Variants in RBFOX1 observed in about 807,000 individuals in gnomAD.
The protein encoded by RBFOX1 is RNA binding protein fox-1 homolog 1.
Under a neutral mutation model 57.7 loss-of-function variants are expected in RBFOX1, and 8 were observed. The observed-to-expected ratio is 0.14, with a 90% CI of 0.08 to 0.25. The LOEUF (loss-of-function observed/expected upper bound fraction) is 0.25. Ranked by LOEUF, RBFOX1 falls within the 10% of genes least tolerant of loss-of-function variation. The pLI is 1.00. For missense variants in RBFOX1, 611 were observed against 548.5 expected (o/e 1.11, Z -1.14); for synonymous variants, 326 against 222.4 (o/e 1.47, Z -4.15).
At chr16:7,514,358 G>T (rs908528001) in intron 4 of RBFOX1, among the ~76,000 whole-genome samples, 5 of 152,276 alleles carry the variant, frequency 3.3e-5, no homozygotes, top group African/African-American at 1.2e-4. Context: ...ACAGAGCCCA[G>T]AGGTCATTTT....
rs1443239238 is a variant in RBFOX1 at position 5,598,799 on chromosome 16, T to C, written c.259-103T>C. 4 of 852,486 alleles carry C rather than the reference T, an allele frequency of 4.7e-6. No homozygotes were observed. The East Asian group carries it at 1.1e-4, about 23-fold the overall frequency. The allele number at this position is 852,486 out of a possible 1,614,324, so 52.8% of individuals were successfully genotyped here. On this transcript the variant is annotated intron_variant, in intron 2 of 2. Coordinates refer to the RBFOX1 transcript ENST00000585867. ...CAGAGGGTACTGTGGCTAAACGTGG[T>C]GAGACATTCTGGGTTGTGCTAAACT...
chr16:7,143,714 T>G (rs887166202), intron 4 of RBFOX1, among the ~76,000 whole-genome samples: 8 of 152,236 alleles, frequency 5.3e-5, no homozygotes, highest in Non-Finnish European at 1.0e-4. Flanking sequence ...AAGTCCTTCA[T>G]TTGATCATAC....
At chr16:6,920,343 C>T (rs2074192478) in intron 3 of RBFOX1, among the ~76,000 whole-genome samples, 1 of 152,172 alleles carries the variant, frequency 6.6e-6, no homozygotes. Flanking sequence ...GAAGTTCACT[C>T]CTGATATTGT....
chr16:7,490,360 C>T (rs767794731), intron 4 of RBFOX1, among the ~76,000 whole-genome samples: 17 of 152,070 alleles, frequency 1.1e-4, no homozygotes, highest in Admixed American at 2.0e-4. Flanking sequence ...CTATCCCTGG[C>T]GAGATTAGGT....
chr16:5,939,392 T>A (rs2059236251), intron 4 of RBFOX1, among the ~76,000 whole-genome samples: 1 of 152,192 alleles, frequency 6.6e-6, no homozygotes, highest in African/African-American at 2.4e-5. Context: ...TGTCATGAGT[T>A]TGCAGTCATC....
chr16:6,400,631 C>G (rs1026250797), intron 2 of RBFOX1, among the ~76,000 whole-genome samples: 1 of 152,166 alleles, frequency 6.6e-6, no homozygotes, highest in Non-Finnish European at 1.5e-5. Flanking sequence ...TGCCTGTAAT[C>G]CCAGCACTGT....
chr16:6,316,045 C>A (rs981219793), intron 1 of RBFOX1, among the ~76,000 whole-genome samples: 1 of 152,138 alleles, frequency 6.6e-6, no homozygotes. Flanking sequence ...TTTGTTGAGT[C>A]TTGGCGTAAA....
chr16:6,892,665 C>G (rs1257484993), intron 3 of RBFOX1, among the ~76,000 whole-genome samples: 2 of 147,618 alleles, frequency 1.4e-5, no homozygotes, highest in African/African-American at 4.9e-5. Context: ...GCAGGGCTGT[C>G]TCGAAACAAA....
intron 4 of RBFOX1, among the ~76,000 whole-genome samples, chr16:5,996,294 A>G (rs1352638361): frequency 6.6e-6 from 1 of 152,190 alleles, no homozygotes; most frequent in Non-Finnish European, 1.5e-5. Flanking sequence ...TCATTTCACC[A>G]GACGATGTAG....
chr16:7,703,690 C>T (rs867110860), intron 14 of RBFOX1, among the ~76,000 whole-genome samples: 2 of 152,144 alleles, frequency 1.3e-5, no homozygotes, highest in South Asian at 2.1e-4. Flanking sequence ...GCTAACGTGT[C>T]TCAGTAGAGT....
intron 1 of RBFOX1, among the ~76,000 whole-genome samples, chr16:6,260,755 C>T (rs1036683916): frequency 1.3e-5 from 2 of 152,072 alleles, no homozygotes; most frequent in Non-Finnish European, 1.5e-5. Flanking sequence ...GTTGTGCACA[C>T]CTGTAATCTC....
intron 1 of RBFOX1, among the ~76,000 whole-genome samples, chr16:5,452,594 C>T (rs989347219): frequency 1.3e-5 from 2 of 152,076 alleles, no homozygotes; most frequent in African/African-American, 4.8e-5. Context: ...CTTACCTGTC[C>T]CTCATCCACA....
intron 3 of RBFOX1, among the ~76,000 whole-genome samples, chr16:6,930,573 C>T (rs913725851): frequency 6.6e-6 from 1 of 152,018 alleles, no homozygotes; most frequent in African/African-American, 2.4e-5. Context: ...CCATGCCTGG[C>T]TAATTTTGGT....
chr16:7,417,924 G>T (rs563464631), intron 4 of RBFOX1, among the ~76,000 whole-genome samples: 2 of 152,080 alleles, frequency 1.3e-5, no homozygotes, highest in Admixed American at 1.3e-4. Flanking sequence ...GAGACTTCTG[G>T]ATTAGGTACC....
intron 4 of RBFOX1, among the ~76,000 whole-genome samples, chr16:7,222,150 A>C (rs56165306): frequency 2.0e-5 from 3 of 151,520 alleles, no homozygotes; most frequent in African/African-American, 7.3e-5. Flanking sequence ...CGTTGTTTCA[A>C]AAGCCCAGCC....
chr16:6,143,650 C>G (rs746838346), intron 1 of RBFOX1, among the ~76,000 whole-genome samples: 1 of 152,072 alleles, frequency 6.6e-6, no homozygotes, highest in Non-Finnish European at 1.5e-5. Context: ...ATCATATGAA[C>G]AATTGTTAAG....
chr16:6,406,682 A>T (rs994745094), intron 2 of RBFOX1, among the ~76,000 whole-genome samples: 1 of 151,340 alleles, frequency 6.6e-6, no homozygotes, highest in South Asian at 2.1e-4. Flanking sequence ...CAATTTTTGG[A>T]TAAGTCTGAA....
At chr16:7,666,728 G>C (rs1199277228) in intron 13 of RBFOX1, among the ~76,000 whole-genome samples, 3 of 152,188 alleles carry the variant, frequency 2.0e-5, no homozygotes, top group Non-Finnish European at 4.4e-5. Flanking sequence ...AAAAAACAAA[G>C]TTAGAAGAAG....
chr16:6,224,865 A>G (rs2097404128), intron 1 of RBFOX1, among the ~76,000 whole-genome samples: 2 of 151,964 alleles, frequency 1.3e-5, no homozygotes, highest in Admixed American at 1.3e-4. Flanking sequence ...ATTTAATACA[A>G]AAAATTAGCT....
Sources: allele counts gnomAD v4.1 joint callset (sites outside exome capture counted in the v4.1 genomes callset), GRCh38; gene constraint gnomAD v4.1.1; transcripts MANE v1.5; gene names NCBI Gene and HGNC (gene_info 2026-07-23, HGNC 2026-07-21).